The following CATSPER1 variants were observed in gnomAD, a reference collection of about 807,000 sequenced individuals.
The protein encoded by CATSPER1 is cation channel sperm-associated protein 1.
In CATSPER1, 57 loss-of-function variants were observed where a neutral mutation model predicts 72.7. That is an observed-to-expected ratio of 0.78 (90% CI 0.63 to 0.98). The LOEUF is 0.98. CATSPER1 is among the 50% of genes least tolerant of loss of function. The probability of loss-of-function intolerance (pLI) is 0.00; values close to 1 mark genes in which losing one functional copy is unlikely to be tolerated. For synonymous variants in CATSPER1, 363 were observed against 403.0 expected, an observed-to-expected ratio of 0.90 and a Z score of 1.19; for missense variants, 910 against 1,033.9, an observed-to-expected ratio of 0.88 and a Z score of 1.64.
chr11:66,020,251 TGGAG>T lies in CATSPER1; in HGVS notation c.2065-55_2065-52del. 6.2e-7 allele frequency: 1 copy of T among 1,613,620 alleles called. No homozygotes were observed. Among genetic ancestry groups the T allele is most frequent in the Non-Finnish European group, 8.5e-7 (1 of 1,179,522 alleles). ...CCAGAGTCCCAGGCCTGCTCAACCC[TGGAG>T]GCCCCTGGCCTCACTCCTCCAGCTT... On this transcript the variant is annotated intron_variant, in intron 8 of 11. Coordinates refer to ENST00000312106, the MANE Select transcript of CATSPER1 (RefSeq NM_053054.4). This position sits in a 1 kb window ranked among gnomAD's most constrained non-coding sequence, Gnocchi z 4.5.
chr11:66,019,113 G>A (rs1308251169), intron 9 of CATSPER1, among the ~76,000 whole-genome samples: 2 of 152,052 alleles, frequency 1.3e-5, no homozygotes, highest in East Asian at 3.9e-4. Context: ...ATTGTCTTGA[G>A]GAACAAATCA....
At chr11:66,022,136 T>C (rs1170091712) in intron 2 of CATSPER1, among the ~76,000 whole-genome samples, 1 of 152,094 alleles carries the variant, frequency 6.6e-6, no homozygotes, top group African/African-American at 2.4e-5. Flanking sequence ...GGTCAGGAGT[T>C]CGAGACCAGC....
Position 66,020,252 on chromosome 11 carries a change from G to A in CATSPER1, c.2065-52C>T, listed in dbSNP as rs1444867395. On this transcript the variant is annotated intron_variant, in intron 8 of 11. Transcript: ENST00000312106. The surrounding 1 kb of genome is among the most constrained non-coding windows in gnomAD (Gnocchi z 4.5). ...CAGAGTCCCAGGCCTGCTCAACCCT[G>A]GAGGCCCCTGGCCTCACTCCTCCAG... 6.2e-7 allele frequency: 1 copy of A among 1,613,692 alleles called. No homozygotes were observed. Among genetic ancestry groups the A allele is most frequent in the South Asian group, 1.1e-5 (1 of 91,076 alleles).
chr11:66,021,739 A>C, intron 3 of CATSPER1, 27 bp downstream of exon 3: 3 of 1,611,440 alleles, frequency 1.9e-6, no homozygotes, highest in Non-Finnish European at 2.5e-6. Flanking sequence ...GACTAAACAC[A>C]CGCAGCCTGG....
chr11:66,018,888 C>T lies in CATSPER1; in HGVS notation c.2140G>A (p.Ala714Thr), dbSNP rs1249552976. ...ELRAAEPKEVASEGTMLKRLI... is the reference protein window; with the variant it reads ...ELRAAEPKEVTSEGTMLKRLI... ...CGCTTCAGCATGGTGCCTTCACTCG[C>T]CACCTCTTTGGGCTCTGGATGTAGA... Residue 714 changes from alanine to threonine, a missense_variant, in exon 10 of 12, where the codon GCG becomes ACG. Physicochemically the swap from Ala to Thr is moderately conservative, Grantham distance 58. Transcript: ENST00000312106. 1.2e-6 allele frequency: 2 copies of T among 1,613,968 alleles called. No homozygotes were observed. The highest frequency in any genetic ancestry group is 1.7e-5 in the Admixed American group (1 of 60,016).
rs202130764 is a variant in CATSPER1 at position 66,025,697 on chromosome 11, C to T, written c.683G>A (p.Arg228Lys). 3.7e-6 allele frequency: 6 copies of T among 1,613,860 alleles called. No homozygotes were observed. Among genetic ancestry groups the T allele is most frequent in the Admixed American group, 3.3e-5 (2 of 59,998 alleles). ...CTGGTGGGCTTCATGATGACGGGAC[C>T]TGCCATGGTGGTGGACTTGGTGATG... is the stretch of plus-strand genomic sequence containing the variant. ...PHHHQVHHHGRSRHHEAHQHG... is the reference protein window; with the variant it reads ...PHHHQVHHHGKSRHHEAHQHG... Residue 228 changes from arginine to lysine, a missense_variant, in exon 1 of 12, where the codon AGG becomes AAG. Arg to Lys is a conservative substitution (Grantham distance 26, BLOSUM62 2). Transcript: ENST00000312106.
chr11:66,020,684 A>G lies in CATSPER1; in HGVS notation c.1928-57T>C, dbSNP rs1590682053. On this transcript the variant is annotated intron_variant, in intron 6 of 11. Coordinates refer to ENST00000312106, the MANE Select transcript of CATSPER1 (RefSeq NM_053054.4). The surrounding 1 kb of genome is among the most constrained non-coding windows in gnomAD (Gnocchi z 4.5). ...GCTGTGCTCGCCACCCCCAACCACG[A>G]CCTGCTCCCTTCCCATACCCGGACA... is the stretch of plus-strand genomic sequence containing the variant. The G allele has an allele frequency of 1.9e-6, 3 of 1,595,856 alleles. No individual in the cohort carries two copies. In the South Asian group the frequency reaches 3.3e-5, roughly 18 times the overall value.
Position 66,016,878 on chromosome 11 carries a change from G to A in CATSPER1, c.*12C>T, listed in dbSNP as rs774730646. ...CCAGGGGCTGAAGTCTGTATCTGGTGTCCTCCTGGGGTCAATTCCTGAAGT... is the reference window on the plus strand; with the variant it reads ...CCAGGGGCTGAAGTCTGTATCTGGTATCCTCCTGGGGTCAATTCCTGAAGT... On this transcript the variant is annotated 3_prime_UTR_variant, in exon 12 of 12. Transcript: ENST00000312106. 3 of 1,613,604 alleles carry A rather than the reference G, an allele frequency of 1.9e-6. No individual in the cohort carries two copies. Among genetic ancestry groups the A allele is most frequent in the Admixed American group, 1.7e-5 (1 of 59,968 alleles).
At chr11:66,024,289 T>G (rs1335853655) in intron 1 of CATSPER1, among the ~76,000 whole-genome samples, 6 of 142,546 alleles carry the variant, frequency 4.2e-5, no homozygotes, top group East Asian at 4.1e-4. Context: ...TTTTTTTTTT[T>G]TTTTTTCCTA....
intron 1 of CATSPER1, among the ~76,000 whole-genome samples, chr11:66,024,271 G>GT (rs796751086): frequency 0.02 from 2,174 of 110,346 alleles, 18 homozygotes; most frequent in Non-Finnish European, 0.029. Flanking sequence ...CAGCCTATTT[G>GT]TTTTTTTTTT....
At position 66,017,179 on chromosome 11, in the gene CATSPER1, G is replaced by A. The variant is rs765910925; in HGVS notation, c.2202-5C>T. Reference sequence around the variant, plus strand: ...TGGAACAGGAGCTCCTGCTGCCTGCGGGTGGGCGGGGGGGTCGCAGAGACA... The same window carrying A: ...TGGAACAGGAGCTCCTGCTGCCTGCAGGTGGGCGGGGGGGTCGCAGAGACA... On this transcript the variant is annotated splice_polypyrimidine_tract_variant and splice_region_variant and intron_variant, in intron 10 of 11. Transcript: ENST00000312106. 1.4e-5 allele frequency: 21 copies of A among 1,531,992 alleles called. No individual in the cohort carries two copies. Among genetic ancestry groups the A allele is most frequent in the East Asian group, 1.2e-4 (5 of 42,618 alleles). 94.9% of individuals were successfully genotyped at this position (1,531,992 alleles called of 1,614,324 possible). A position where few individuals can be genotyped will look rare whatever the true frequency, so the allele number is the denominator to read the frequency against.
rs2845570 is a variant in CATSPER1, at chr11:66,023,056, G to T, written c.1222C>A (p.Arg408=). ...CCCTTCTTGCGGGTCCGCTGGAGCC[G>T]GCCGGCTGAAAGGAACAGGGCCAGA... ...EGQFQKRKTG[R]LQRTRKKGHS... The change falls in exon 2 of 12, where the codon CGG becomes AGG. Residue 408 remains arginine, a synonymous_variant. Coordinates refer to ENST00000312106, the MANE Select transcript of CATSPER1 (RefSeq NM_053054.4). 870,604 of 1,612,570 alleles carry T rather than the reference G, an allele frequency of 0.54. 242,489 individuals are homozygous for T. The highest frequency in any genetic ancestry group is 0.7 in the South Asian group (63,902 of 91,060).
At chr11:66,017,568 C>G (rs1052670626) in intron 10 of CATSPER1, among the ~76,000 whole-genome samples, 11 of 151,664 alleles carry the variant, frequency 7.3e-5, no homozygotes, top group Non-Finnish European at 1.5e-4. Context: ...TGTAGCCACC[C>G]CCCACCCACC....
In CATSPER1 at chr11:66,020,132, G is replaced by A. The variant is rs774828072; in HGVS notation, c.2125+8C>T. 2.5e-6 allele frequency: 4 copies of A among 1,613,034 alleles called. No homozygotes were observed. Among genetic ancestry groups the A allele is most frequent in the Non-Finnish European group, 3.4e-6 (4 of 1,179,994 alleles). On this transcript the variant is annotated splice_region_variant and intron_variant, in intron 9 of 11. Coordinates refer to ENST00000312106, the MANE Select transcript of CATSPER1 (RefSeq NM_053054.4). This position sits in a 1 kb window ranked among gnomAD's most constrained non-coding sequence, Gnocchi z 4.5. ...GGCAGGTGGGGCCAGGGCGGGCCAG[G>A]CCCATACCTGCAGCTCTGAGCTCCG...
At chr11:66,018,368 T>C (rs1223347657) in intron 10 of CATSPER1, among the ~76,000 whole-genome samples, 2 of 152,066 alleles carry the variant, frequency 1.3e-5, no homozygotes, top group Non-Finnish European at 1.5e-5. Flanking sequence ...GCCACTCAAG[T>C]GGACAGGAAT....
intron 2 of CATSPER1, among the ~76,000 whole-genome samples, chr11:66,022,609 T>TC (rs1227203993): frequency 9.2e-5 from 14 of 152,282 alleles, no homozygotes; most frequent in African/African-American, 2.6e-4. Context: ...GCAGATGCGC[T>TC]CCCTAGTGGC....
In CATSPER1 at chr11:66,022,922, G is replaced by C; in HGVS notation, c.1356C>G (p.Phe452Leu). 1.2e-6 allele frequency: 2 copies of C among 1,614,252 alleles called. No individual in the cohort carries two copies. The highest frequency in any genetic ancestry group is 2.2e-5 in the South Asian group (2 of 91,092). Residue 452 changes from phenylalanine to leucine, a missense_variant, in exon 2 of 12, where the codon TTC becomes TTG. Coordinates refer to ENST00000312106, the MANE Select transcript of CATSPER1 (RefSeq NM_053054.4). ...TGTTGAGGCAGACAACGAAGAAGAT[G>C]AAAGTTTCAAAGGCCAAGGATTGGG... ...NLTQSLAFET[F>L]IFFVVCLNTV...
rs995833510 is a variant in CATSPER1 at position 66,020,228 on chromosome 11, A to G, written c.2065-28T>C. ...GGGAAGAAGAGGCCTCAGATCTGCC[A>G]GAGTCCCAGGCCTGCTCAACCCTGG... On this transcript the variant is annotated intron_variant, in intron 8 of 11. Coordinates refer to ENST00000312106, the MANE Select transcript of CATSPER1 (RefSeq NM_053054.4). The surrounding 1 kb of genome is among the most constrained non-coding windows in gnomAD (Gnocchi z 4.5). The G allele has an allele frequency of 1.2e-6, 2 of 1,613,956 alleles. No homozygotes were observed. Among genetic ancestry groups the G allele is most frequent in the African/African-American group, 1.3e-5 (1 of 74,930 alleles).
intron 9 of CATSPER1, 132 bp from the exon 10 acceptor site, chr11:66,019,034 A>C: frequency 1.4e-6 from 1 of 723,776 alleles, no homozygotes; most frequent in Non-Finnish European, 2.5e-6. Flanking sequence ...TTCTCCGGGC[A>C]TGCAGCACGA....
Sources: gnomAD v4.1 joint callset for allele counts (sites outside exome capture counted in the v4.1 genomes callset) on GRCh38, gnomAD v4.1.1 for gene constraint, Gnocchi (gnomAD v3.1) non-coding constraint, MANE v1.5 for transcripts, NCBI Gene and HGNC (gene_info 2026-07-23, HGNC 2026-07-21) for gene names.